The following KPNA1 variants were observed in gnomAD, a reference collection of about 807,000 sequenced individuals.
KPNA1 encodes importin subunit alpha-5.
Under a neutral mutation model 70.5 loss-of-function variants are expected in KPNA1, and 10 were observed. That is an observed-to-expected ratio of 0.14 (90% CI 0.09 to 0.24). KPNA1 has a LOEUF of 0.24. KPNA1 is among the 10% of genes least tolerant of loss of function. The pLI is 1.00. For missense variants in KPNA1, 397 were observed against 637.9 expected, an observed-to-expected ratio of 0.62 and a Z score of 4.07; for synonymous variants, 192 against 221.9, an observed-to-expected ratio of 0.87 and a Z score of 1.20.
At chr3:122,456,502 T>C (rs2076266563) in intron 5 of KPNA1, among the ~76,000 whole-genome samples, 1 of 152,116 alleles carries the variant, frequency 6.6e-6, no homozygotes, top group Non-Finnish European at 1.5e-5. Flanking sequence ...TGAGAAAAAA[T>C]TACTTAGAAT....
At chr3:122,483,653 T>C (rs1300461533) in intron 2 of KPNA1, among the ~76,000 whole-genome samples, 2 of 152,232 alleles carry the variant, frequency 1.3e-5, no homozygotes, top group Non-Finnish European at 2.9e-5. Context: ...CCTAGAGGAA[T>C]ATTTTCATAA....
Position 122,466,945 on chromosome 3 carries a change from GA to G in KPNA1, c.237+376del, listed in dbSNP as rs779955238. On this transcript the variant is annotated intron_variant, in intron 3 of 13. Coordinates refer to ENST00000344337, the MANE Select transcript of KPNA1 (RefSeq NM_002264.4). ...AAGCCCAGGAGTTCGAGGTTGCAGTGACCTACGATTGCGCCACTGCACTCCA... is the reference window on the plus strand; with the variant it reads ...AAGCCCAGGAGTTCGAGGTTGCAGTGCCTACGATTGCGCCACTGCACTCCA... Among the ~76,000 whole-genome samples the G allele has an allele frequency of 2.6e-5, 4 of 151,678 alleles. No homozygotes were observed. The East Asian group carries it at 5.8e-4, about 22-fold the overall frequency.
In KPNA1 at chr3:122,452,536, A is replaced by AGGAGGGAAGGAGGGAG. The variant is rs1560028389; in HGVS notation, c.565-488_565-473dup. Among the ~76,000 whole-genome samples, 29 of 34,746 alleles carry AGGAGGGAAGGAGGGAG rather than the reference A, an allele frequency of 8.3e-4. 1 individual carries two copies. The highest frequency in any genetic ancestry group is 1.8e-3 in the Non-Finnish European group (27 of 15,374). The allele number at this position is 34,746 out of a possible 152,430, so 22.8% of individuals were successfully genotyped here. A position where few individuals can be genotyped will look rare whatever the true frequency, so the allele number is the denominator to read the frequency against. ...AAGGAGGGAAGGAGGGAAGGAGGGAAGGAGGGAAGGAGGGAGGGAGGGAGG... is the reference window on the plus strand; with the variant it reads ...AAGGAGGGAAGGAGGGAAGGAGGGAAGGAGGGAAGGAGGGAGGGAGGGAAGGAGGGAGGGAGGGAGG... On this transcript the variant is annotated intron_variant, in intron 6 of 13. Transcript: ENST00000344337.
chr3:122,509,720 T>C (rs2076935196), intron 1 of KPNA1, among the ~76,000 whole-genome samples: 1 of 152,188 alleles, frequency 6.6e-6, no homozygotes, highest in African/African-American at 2.4e-5. Context: ...GTAACAGAAG[T>C]AGGGCTCAGA....
intron 5 of KPNA1, chr3:122,459,990 T>A: frequency 2.0e-6 from 2 of 985,468 alleles, no homozygotes; most frequent in South Asian, 9.4e-5. Flanking sequence ...GCTCCAGCCT[T>A]AGAGTAAAGA....
At position 122,486,766 on chromosome 3, in the gene KPNA1, T is replaced by G. The variant is rs139391905; in HGVS notation, c.129+9671A>C. Reference sequence around the variant, plus strand: ...CACGCCCGGCTAATTTTTTATATTTTTAGTAGAGTCGGGGTTTCACCAATG... The same window carrying G: ...CACGCCCGGCTAATTTTTTATATTTGTAGTAGAGTCGGGGTTTCACCAATG... On this transcript the variant is annotated intron_variant, in intron 2 of 13. Coordinates refer to ENST00000344337, the MANE Select transcript of KPNA1 (RefSeq NM_002264.4). Among the ~76,000 whole-genome samples, 37 of 152,266 alleles carry G rather than the reference T, an allele frequency of 2.4e-4. No individual in the cohort carries two copies. In the East Asian group the frequency reaches 7.1e-3, roughly 29 times the overall value.
chr3:122,503,730 T>C lies in KPNA1; in HGVS notation c.-5-7160A>G, dbSNP rs552291496. On this transcript the variant is annotated intron_variant, in intron 1 of 13. Transcript: ENST00000344337. ...TTGAACTATTAAATATGGTGAATTA[T>C]ATTAATAGACTTTCTAATACCAAAT... 2.6e-5 allele frequency among the ~76,000 whole-genome samples: 4 copies of C among 152,346 alleles called. No homozygotes were observed. In the East Asian group the frequency reaches 7.7e-4, roughly 29 times the overall value.
chr3:122,485,642 AT>A (rs199995732), intron 2 of KPNA1, among the ~76,000 whole-genome samples: 30 of 150,508 alleles, frequency 2.0e-4, no homozygotes, highest in Non-Finnish European at 3.0e-4. Context: ...CTGGAAAGGA[AT>A]TTTTTTTTTA....
At chr3:122,476,887 A>G (rs1001982309) in intron 2 of KPNA1, among the ~76,000 whole-genome samples, 4 of 143,602 alleles carry the variant, frequency 2.8e-5, no homozygotes, top group Non-Finnish European at 4.6e-5. Context: ...AAAAAAAACT[A>G]AAAAAAGAAT....
chr3:122,503,605 C>A (rs2076855171), intron 1 of KPNA1, among the ~76,000 whole-genome samples: 1 of 152,156 alleles, frequency 6.6e-6, no homozygotes, highest in Non-Finnish European at 1.5e-5. Flanking sequence ...CATAATGATA[C>A]CTCATAAGGT....
intron 2 of KPNA1, among the ~76,000 whole-genome samples, chr3:122,481,517 C>T (rs1051663941): frequency 5.9e-5 from 9 of 152,052 alleles, no homozygotes; most frequent in Admixed American, 3.3e-4. Flanking sequence ...GGGTCCTAAG[C>T]GGGGAGCAGA....
intron 2 of KPNA1, among the ~76,000 whole-genome samples, chr3:122,483,697 TAG>T (rs2076597627): frequency 6.6e-6 from 1 of 152,212 alleles, no homozygotes; most frequent in Admixed American, 6.5e-5. Context: ...CTAGTAGCTC[TAG>T]AAACATTTTT....
intron 12 of KPNA1, among the ~76,000 whole-genome samples, chr3:122,429,446 CAAAAAAAA>C (rs57991855): frequency 4.3e-4 from 25 of 58,782 alleles, no homozygotes; most frequent in Middle Eastern, 0.018. Context: ...AACTCTGTCT[CAAAAAAAA>C]AAAAAAAAAA....
chr3:122,502,954 C>G (rs1401921809), intron 1 of KPNA1, among the ~76,000 whole-genome samples: 1 of 151,972 alleles, frequency 6.6e-6, no homozygotes, highest in Non-Finnish European at 1.5e-5. Flanking sequence ...AAAAATTAGA[C>G]AGGCATGGTG....
chr3:122,508,837 T>A (rs2076920022), intron 1 of KPNA1, among the ~76,000 whole-genome samples: 1 of 152,140 alleles, frequency 6.6e-6, no homozygotes, highest in Admixed American at 6.6e-5. Flanking sequence ...CTACCAGACA[T>A]CTGGGGAAAG....
intron 2 of KPNA1, among the ~76,000 whole-genome samples, chr3:122,494,774 G>GAAA (rs772590196): frequency 2.0e-5 from 3 of 152,190 alleles, no homozygotes; most frequent in East Asian, 1.9e-4. Flanking sequence ...TAGTCACCAA[G>GAAA]AAGAAACAGA....
intron 3 of KPNA1, 124 bp downstream of exon 3, chr3:122,467,198 T>C (rs1476386201): frequency 2.0e-6 from 1 of 502,042 alleles, no homozygotes; most frequent in Non-Finnish European, 3.5e-6. Flanking sequence ...AGATTAAGCA[T>C]ATTCTTTTTA....
chr3:122,492,992 C>CTATAACA (rs1293690566), intron 2 of KPNA1, among the ~76,000 whole-genome samples: 7 of 152,130 alleles, frequency 4.6e-5, no homozygotes, highest in African/African-American at 1.7e-4. Flanking sequence ...TATTGTGTAA[C>CTATAACA]TATAACATAT....
intron 2 of KPNA1, among the ~76,000 whole-genome samples, chr3:122,483,407 T>C (rs903563171): frequency 4.6e-5 from 7 of 152,296 alleles, no homozygotes; most frequent in Non-Finnish European, 1.0e-4. Context: ...TACAACGGTA[T>C]GGTCTAGGCT....
Sources: allele counts gnomAD v4.1 joint callset (sites outside exome capture counted in the v4.1 genomes callset), GRCh38; gene constraint gnomAD v4.1.1; transcripts MANE v1.5; gene names NCBI Gene and HGNC (gene_info 2026-07-23, HGNC 2026-07-21).